ADGRF1: variants seen among roughly 807,000 people sequenced by gnomAD.
ADGRF1 encodes the protein G protein-coupled receptor 110.
A neutral mutation model predicts 87.2 loss-of-function variants in ADGRF1; 85 were observed. The ratio of observed to expected loss-of-function variants is 0.97; its 90% CI spans 0.82 to 1.17. The LOEUF (loss-of-function observed/expected upper bound fraction) is 1.17, where lower values mean the gene tolerates loss of function less well. Ranked by LOEUF, ADGRF1 falls within the 50% of genes most tolerant of loss-of-function variation. ADGRF1 has a pLI of 0.00. For missense variants in ADGRF1, 1,169 were observed against 1,077.2 expected (o/e 1.09, Z -1.19); for synonymous variants, 430 against 408.8 (o/e 1.05, Z -0.63).
Position 47,009,241 on chromosome 6 carries a change from C to T in ADGRF1, c.2194G>A (p.Val732Met), listed in dbSNP as rs765494179. ...QPSNTYKRKD[V>M]CWLNWSNGSK... is the part of the protein sequence containing the mutation. ...CCATTGGACCAGTTAAGCCAACACA[C>T]ATCTTTCCTTTTGTAGGTATTGCTA... Residue 732 changes from valine (V) to methionine (M), a missense_variant, in exon 11 of 15, where the codon GTG becomes ATG. Physicochemically the swap from Val to Met is conservative, Grantham distance 21. Coordinates refer to ENST00000371253, the MANE Select transcript of ADGRF1 (RefSeq NM_153840.4). 5 of 1,614,186 alleles carry T rather than the reference C, an allele frequency of 3.1e-6. No homozygotes were observed. The highest frequency in any genetic ancestry group is 2.2e-5 in the South Asian group (2 of 91,080).
intron 5 of ADGRF1, among the ~76,000 whole-genome samples, chr6:47,022,929 C>G (rs1780110501): frequency 6.6e-6 from 1 of 151,966 alleles, no homozygotes; most frequent in African/African-American, 2.4e-5. Context: ...CCTCAGCCCC[C>G]CAAGTAGCTG....
intron 2 of ADGRF1, among the ~76,000 whole-genome samples, chr6:47,028,498 C>T (rs1780311507): frequency 6.6e-6 from 1 of 152,044 alleles, no homozygotes; most frequent in South Asian, 2.1e-4. Context: ...CCGCTGGATT[C>T]CCAGCTGGAA....
In ADGRF1 at chr6:46,998,946, C is replaced by A. The variant is rs377762314; in HGVS notation, c.*1276G>T. On this transcript the variant is annotated 3_prime_UTR_variant, in exon 15 of 15. Coordinates refer to ENST00000371253, the MANE Select transcript of ADGRF1 (RefSeq NM_153840.4). ...TCAGGTATGCTTATTTAATCTACCA[C>A]CACTAACTAGAAGTTCCCCCAGCTG... The A allele has an allele frequency of 6.6e-6, 1 of 152,236 alleles. No homozygotes were observed. Among genetic ancestry groups the A allele is most frequent in the Non-Finnish European group, 1.5e-5 (1 of 68,062 alleles). 9.4% of individuals were successfully genotyped at this position (152,236 alleles called of 1,614,324 possible).
chr6:47,016,916 A>C lies in ADGRF1; in HGVS notation c.612-148T>G, dbSNP rs999520301. 1.1e-5 allele frequency: 12 copies of C among 1,080,924 alleles called. No homozygotes were observed. In the African/African-American group the frequency reaches 1.8e-4, roughly 16 times the overall value. The allele number at this position is 1,080,924 out of a possible 1,614,324, so 67.0% of individuals were successfully genotyped here. On this transcript the variant is annotated intron_variant, in intron 7 of 14. Coordinates refer to ENST00000371253, the MANE Select transcript of ADGRF1 (RefSeq NM_153840.4). ...AGTGGATAAGGCAAGGCAAATAAAA[A>C]AACAAGTATCCACCAAAAATACATA... is the stretch of plus-strand genomic sequence containing the variant.
intron 8 of ADGRF1, among the ~76,000 whole-genome samples, chr6:47,016,160 A>G (rs997111640): frequency 1.3e-5 from 2 of 152,206 alleles, no homozygotes; most frequent in African/African-American, 4.8e-5. Flanking sequence ...TTTTGGTAGG[A>G]AAGGCGTAAG....
chr6:47,014,410 C>A, intron 9 of ADGRF1: 1 of 1,140,646 alleles, frequency 8.8e-7, no homozygotes, highest in South Asian at 3.0e-5. Context: ...CATCATAGAC[C>A]TCCTCAGCAA....
chr6:47,009,041 A>G lies in ADGRF1; in HGVS notation c.2394T>C (p.Pro798=). ...CAAAGCCCCAGGTGAGCCCTAGCAG[A>G]GGGGTCAGAATGAGGAGGCTCTTCC... ...RVGKSLLILT[P]LLGLTWGFGI... Residue 798 remains proline (P), a synonymous_variant, in exon 11 of 15, where the codon CCT becomes CCC. Coordinates refer to ENST00000371253, the MANE Select transcript of ADGRF1 (RefSeq NM_153840.4). 4.3e-6 allele frequency: 7 copies of G among 1,614,070 alleles called. No homozygotes were observed. The highest frequency in any genetic ancestry group is 5.9e-6 in the Non-Finnish European group (7 of 1,180,000).
chr6:47,004,782 C>A (rs1460864648), intron 13 of ADGRF1, among the ~76,000 whole-genome samples: 1 of 152,082 alleles, frequency 6.6e-6, no homozygotes, highest in East Asian at 1.9e-4. Context: ...ATAACTAGTC[C>A]AACATTTATT....
intron 1 of ADGRF1, among the ~76,000 whole-genome samples, chr6:47,032,561 G>A (rs1780460115): frequency 6.6e-6 from 1 of 152,196 alleles, no homozygotes; most frequent in Non-Finnish European, 1.5e-5. Flanking sequence ...CTCTGTAGCT[G>A]TACTAGCCAG....
chr6:47,020,424 A>G, intron 7 of ADGRF1: 4 of 1,002,106 alleles, frequency 4.0e-6, no homozygotes, highest in Non-Finnish European at 5.8e-6. Flanking sequence ...TGAACCCGGT[A>G]GGCAGAGGTT....
chr6:47,028,947 G>C, intron 2 of ADGRF1, 46 bp downstream of exon 2: 6 of 1,473,978 alleles, frequency 4.1e-6, no homozygotes, highest in Non-Finnish European at 5.7e-6. Flanking sequence ...CGGAACGAGA[G>C]AGGAGAGTTA....
chr6:47,019,278 T>TA, intron 7 of ADGRF1: 1 of 963,618 alleles, frequency 1.0e-6, no homozygotes, highest in African/African-American at 1.8e-5. Context: ...TAAACCTCAA[T>TA]ATAAAAAAAA....
chr6:47,013,752 G>A (rs1040363781), intron 9 of ADGRF1: 6 of 615,242 alleles, frequency 9.8e-6, no homozygotes, highest in African/African-American at 2.0e-5. Context: ...GAGATGATTG[G>A]ATCATGGAGG....
At position 47,016,515 on chromosome 6, in the gene ADGRF1, A is replaced by C. The variant is rs79355804; in HGVS notation, c.763+102T>G. ...TGTGCTGAAAGGCAGTTAGAGAACA[A>C]TTCGTTATTCAAACGTCTCAAATCT... On this transcript the variant is annotated intron_variant, in intron 8 of 14. Coordinates refer to ENST00000371253, the MANE Select transcript of ADGRF1 (RefSeq NM_153840.4). 483 of 1,317,488 alleles carry C rather than the reference A, an allele frequency of 3.7e-4. No individual in the cohort carries two copies. The African/African-American group carries it at 6.6e-3, about 18-fold the overall frequency. 81.6% of individuals were successfully genotyped at this position (1,317,488 alleles called of 1,614,324 possible).
At position 47,010,239 on chromosome 6, in the gene ADGRF1, T is replaced by C; in HGVS notation, c.1196A>G (p.Tyr399Cys). 1 of 1,613,978 alleles carries C rather than the reference T, an allele frequency of 6.2e-7. No homozygotes were observed. The highest frequency in any genetic ancestry group is 2.2e-5 in the East Asian group (1 of 44,868). ...NWTVLLREEK[Y>C]ASSRLLETLE... Reference sequence around the variant, plus strand: ...TGTCTCTAGTAACCGTGAGCTGGCATACTTTTCTTCCCGCAGTAAGACTGT... The same window carrying C: ...TGTCTCTAGTAACCGTGAGCTGGCACACTTTTCTTCCCGCAGTAAGACTGT... Residue 399 changes from tyrosine (Y) to cysteine (C), a missense_variant, in exon 11 of 15, where the codon TAT (tyrosine) becomes TGT (cysteine). Coordinates refer to ENST00000371253, the MANE Select transcript of ADGRF1 (RefSeq NM_153840.4).
At chr6:47,041,848 A>G (rs1384359699) in intron 1 of ADGRF1, among the ~76,000 whole-genome samples, 1 of 152,218 alleles carries the variant, frequency 6.6e-6, no homozygotes, top group African/African-American at 2.4e-5. Context: ...TTTAACAAGT[A>G]TCTTTGGTGG....
intron 13 of ADGRF1, among the ~76,000 whole-genome samples, chr6:47,002,195 T>C (rs1181055293): frequency 2.0e-5 from 3 of 152,352 alleles, no homozygotes; most frequent in Non-Finnish European, 4.4e-5. Flanking sequence ...CATCTCATAT[T>C]GAATGCCTTT....
rs1301473688 is a variant in ADGRF1 at position 47,009,866 on chromosome 6, G to A, written c.1569C>T (p.Ser523=). 3.7e-6 allele frequency: 6 copies of A among 1,613,770 alleles called. No individual in the cohort carries two copies. Among genetic ancestry groups the A allele is most frequent in the Non-Finnish European group, 5.1e-6 (6 of 1,179,812 alleles). The stretch of plus-strand genomic sequence containing the variant: ...GCTGGCTCAGGTTTGACTCTATCTT[G>A]GAAAAAAATAGGAAAACTTCATTTA... The part of the protein sequence containing the change: ...YSINEVFLFF[S]KIESNLSQPH... Residue 523 remains serine (S), a synonymous_variant, in exon 11 of 15, where the codon TCC becomes TCT. Coordinates refer to ENST00000371253, the MANE Select transcript of ADGRF1 (RefSeq NM_153840.4).
chr6:47,035,784 A>G (rs931866655), intron 1 of ADGRF1, among the ~76,000 whole-genome samples: 6 of 152,224 alleles, frequency 3.9e-5, no homozygotes, highest in Non-Finnish European at 5.9e-5. Context: ...AAGAACGTAC[A>G]TTTCAAACCT....
Sources: allele counts gnomAD v4.1 joint callset (sites outside exome capture counted in the v4.1 genomes callset), GRCh38; gene constraint gnomAD v4.1.1; transcripts MANE v1.5; gene names NCBI Gene and HGNC (gene_info 2026-07-23, HGNC 2026-07-21).